TTC29: variants seen among roughly 807,000 people sequenced by gnomAD.
TTC29 encodes tetratricopeptide repeat protein 29.
Under a neutral mutation model 58.1 loss-of-function variants are expected in TTC29, and 49 were observed. That is an observed-to-expected ratio of 0.84 (90% CI 0.67 to 1.07). TTC29 has a LOEUF of 1.07. TTC29 is among the 50% of genes least tolerant of loss of function. The probability of loss-of-function intolerance (pLI) is 0.00; values close to 1 mark genes in which losing one functional copy is unlikely to be tolerated. For synonymous variants in TTC29, 209 were observed against 196.8 expected (o/e 1.06, Z -0.52); for missense variants, 582 against 555.6 (o/e 1.05, Z -0.48).
At chr4:146,774,624 T>A (rs554857478) in intron 11 of TTC29, among the ~76,000 whole-genome samples, 1 of 152,228 alleles carries the variant, frequency 6.6e-6, no homozygotes, top group South Asian at 2.1e-4. Flanking sequence ...TGTGGAGGAT[T>A]GTTTTATGGC....
chr4:146,744,735 T>G (rs941414902), intron 11 of TTC29, among the ~76,000 whole-genome samples: 1 of 152,184 alleles, frequency 6.6e-6, no homozygotes, highest in Non-Finnish European at 1.5e-5. Context: ...TGCTTCCTTG[T>G]CTGTGTATGA....
At chr4:146,738,794 G>A (rs1744909080) in intron 11 of TTC29, among the ~76,000 whole-genome samples, 1 of 152,052 alleles carries the variant, frequency 6.6e-6, no homozygotes, top group African/African-American at 2.4e-5. Context: ...ATACTCTGGG[G>A]GAAGGAACGC....
chr4:146,727,947 C>T (rs1743914473), intron 11 of TTC29, among the ~76,000 whole-genome samples: 1 of 152,268 alleles, frequency 6.6e-6, no homozygotes, highest in Non-Finnish European at 1.5e-5. Flanking sequence ...TGATAATTCT[C>T]TTTTAGTACA....
At chr4:146,845,690 G>T (rs757686050) in intron 8 of TTC29, among the ~76,000 whole-genome samples, 1 of 152,078 alleles carries the variant, frequency 6.6e-6, no homozygotes, top group Non-Finnish European at 1.5e-5. Context: ...CACCCCAGCC[G>T]TACAGACCTT....
intron 11 of TTC29, among the ~76,000 whole-genome samples, chr4:146,791,418 T>C (rs1294913490): frequency 6.6e-6 from 1 of 152,234 alleles, no homozygotes; most frequent in East Asian, 1.9e-4. Flanking sequence ...GATGTTATTA[T>C]TGTAATTGTT....
chr4:146,715,105 T>G (rs143644951), intron 11 of TTC29, among the ~76,000 whole-genome samples: 139 of 152,236 alleles, frequency 9.1e-4, no homozygotes, highest in African/African-American at 3.1e-3. Flanking sequence ...CCCAAAGTGT[T>G]GGGATGACAG....
chr4:146,744,696 C>T (rs1349052227), intron 11 of TTC29, among the ~76,000 whole-genome samples: 1 of 152,138 alleles, frequency 6.6e-6, no homozygotes, highest in Non-Finnish European at 1.5e-5. Flanking sequence ...ATATGCCTCT[C>T]TCACCAACTA....
chr4:146,828,133 G>C (rs143074892), intron 9 of TTC29, among the ~76,000 whole-genome samples: 110 of 151,900 alleles, frequency 7.2e-4, no homozygotes, highest in African/African-American at 2.4e-3. Flanking sequence ...AATTATGACC[G>C]ATCTTCCACA....
intron 6 of TTC29, among the ~76,000 whole-genome samples, chr4:146,883,667 G>A (rs897620133): frequency 6.6e-6 from 1 of 152,016 alleles, no homozygotes; most frequent in African/African-American, 2.4e-5. Context: ...AGTGTAGCAA[G>A]AACTGTGGGC....
At chr4:146,882,497 T>G (rs999634792) in intron 6 of TTC29, among the ~76,000 whole-genome samples, 1 of 152,122 alleles carries the variant, frequency 6.6e-6, no homozygotes, top group East Asian at 1.9e-4. Flanking sequence ...CCACCTTATC[T>G]TAAAATACTA....
At chr4:146,912,619 C>T (rs571627261) in intron 4 of TTC29, among the ~76,000 whole-genome samples, 2 of 152,010 alleles carry the variant, frequency 1.3e-5, no homozygotes, top group South Asian at 2.1e-4. Context: ...GATCAAGGCT[C>T]AGGGCCAGGA....
intron 9 of TTC29, among the ~76,000 whole-genome samples, chr4:146,831,330 C>G (rs562405610): frequency 4.6e-5 from 7 of 152,156 alleles, no homozygotes; most frequent in African/African-American, 1.7e-4. Context: ...AACTCTTGCA[C>G]TCAAGTGATC....
chr4:146,937,555 C>A, intron 4 of TTC29, 39 bp downstream of exon 4: 2 of 1,286,056 alleles, frequency 1.6e-6, no homozygotes, highest in Admixed American at 2.7e-5. Context: ...ACAAAAGAAA[C>A]AAACTTTATA....
chr4:146,804,108 A>G (rs1334113275), intron 10 of TTC29, among the ~76,000 whole-genome samples: 1 of 152,160 alleles, frequency 6.6e-6, no homozygotes, highest in Non-Finnish European at 1.5e-5. Context: ...AAGCTGAAGC[A>G]GGGTGGGGCA....
chr4:146,941,131 G>A (rs147221095), intron 2 of TTC29, among the ~76,000 whole-genome samples: 1 of 152,204 alleles, frequency 6.6e-6, no homozygotes, highest in East Asian at 1.9e-4. Context: ...TTGTTACATG[G>A]TGCAAGGGCT....
In TTC29 at chr4:146,706,965, T is replaced by C; in HGVS notation, c.*193A>G. 2.5e-6 allele frequency: 1 copy of C among 393,164 alleles called. No homozygotes were observed. The highest frequency in any genetic ancestry group is 3.7e-5 in the East Asian group (1 of 26,784). 24.4% of individuals were successfully genotyped at this position (393,164 alleles called of 1,614,324 possible). A position where few individuals can be genotyped will look rare whatever the true frequency, so the allele number is the denominator to read the frequency against. On this transcript the variant is annotated 3_prime_UTR_variant, in exon 13 of 13. Transcript: ENST00000325106. ...TGATATTTCTAAGAATTGGAATATA[T>C]TTTATTTTCATGGATTTAGATGTTT...
chr4:146,817,202 T>C (rs1751469537), intron 10 of TTC29, among the ~76,000 whole-genome samples: 2 of 152,060 alleles, frequency 1.3e-5, no homozygotes. Context: ...CAGCCCAAAA[T>C]CTCCTTAAGC....
intron 4 of TTC29, among the ~76,000 whole-genome samples, chr4:146,937,102 T>C (rs1329728275): frequency 1.3e-5 from 2 of 152,054 alleles, no homozygotes; most frequent in Admixed American, 1.3e-4. Context: ...GTATCGTTCA[T>C]CTAAAAAATA....
At chr4:146,775,873 C>A (rs1392859260) in intron 11 of TTC29, among the ~76,000 whole-genome samples, 1 of 152,178 alleles carries the variant, frequency 6.6e-6, no homozygotes, top group Admixed American at 6.5e-5. Flanking sequence ...TTCTCGCCCT[C>A]TCTTTTGGGA....
Sources: gnomAD v4.1 joint callset for allele counts (sites outside exome capture counted in the v4.1 genomes callset) on GRCh38, gnomAD v4.1.1 for gene constraint, MANE v1.5 for transcripts, NCBI Gene and HGNC (gene_info 2026-07-23, HGNC 2026-07-21) for gene names.